Variants in PCDHA5 observed in about 807,000 individuals in gnomAD.
The protein encoded by PCDHA5 is protocadherin alpha-5.
PCDHA5 carries 43 observed loss-of-function variants against 61.6 expected under a neutral mutation model. That is an observed-to-expected ratio of 0.70 (90% CI 0.55 to 0.90). The LOEUF is 0.90. Ranked by LOEUF, PCDHA5 falls within the 40% of genes least tolerant of loss-of-function variation. PCDHA5 has a pLI of 0.00. For missense variants in PCDHA5, 1,298 were observed against 1,222.7 expected (o/e 1.06, Z -0.92); for synonymous variants, 627 against 543.9 (o/e 1.15, Z -2.13).
chr5:140,867,133 A>T (rs1554160961), intron 1 of PCDHA5: 1 of 152,166 alleles, frequency 6.6e-6, no homozygotes, highest in African/African-American at 2.4e-5. Flanking sequence ...CAAATATGTG[A>T]TATTATCATT....
intron 1 of PCDHA5, chr5:140,861,242 A>T (rs1554154320): frequency 6.0e-6 from 1 of 165,896 alleles, no homozygotes; most frequent in African/African-American, 2.4e-5. Context: ...TGCTAGACAA[A>T]GTGGCCAGGA....
chr5:140,994,515 C>A (rs1450335712), intron 3 of PCDHA5, among the ~76,000 whole-genome samples: 1 of 150,238 alleles, frequency 6.7e-6, no homozygotes, highest in African/African-American at 2.5e-5. Context: ...ACAGCCTGGG[C>A]AACATGGCAA....
At chr5:140,842,672 A>G in intron 1 of PCDHA5, 2 of 1,595,340 alleles carry the variant, frequency 1.3e-6, no homozygotes, top group Non-Finnish European at 1.7e-6. Flanking sequence ...CGTGAACGAC[A>G]ATGCTCCGGC....
At chr5:140,928,109 A>C (rs1472439079) in intron 1 of PCDHA5, 1 of 1,613,986 alleles carries the variant, frequency 6.2e-7, no homozygotes, top group African/African-American at 1.3e-5. Context: ...CTGGACCGGG[A>C]GCAGATCAGT....
intron 1 of PCDHA5, chr5:140,827,876 G>A (rs902011633): frequency 7.7e-6 from 5 of 646,162 alleles, no homozygotes; most frequent in Admixed American, 2.9e-5. Context: ...GCACTGTTAC[G>A]TGAATTGATT....
At chr5:140,857,819 G>A in intron 1 of PCDHA5, 1 of 1,597,752 alleles carries the variant, frequency 6.3e-7, no homozygotes, top group Non-Finnish European at 8.6e-7. Context: ...TCACGTGGTG[G>A]CTAAGGTGCG....
chr5:140,993,460 TCTCACACACACA>T (rs2097560533), intron 3 of PCDHA5, among the ~76,000 whole-genome samples: 2 of 104,506 alleles, frequency 1.9e-5, no homozygotes, highest in South Asian at 3.7e-4. Context: ...CTTCTTTCTT[TCTCACACACACA>T]CACACACACA....
At chr5:140,961,984 C>T (rs1037951528) in intron 1 of PCDHA5, among the ~76,000 whole-genome samples, 69 of 151,884 alleles carry the variant, frequency 4.5e-4, no homozygotes, top group African/African-American at 1.5e-3. Context: ...CCTGGGTTCA[C>T]GCCATTGTCC....
rs1219444085 is a variant in PCDHA5 at position 141,010,861 on chromosome 5, A to G, written c.*924A>G. On this transcript the variant is annotated 3_prime_UTR_variant, in exon 4 of 4. Coordinates refer to ENST00000529859, the MANE Select transcript of PCDHA5 (RefSeq NM_018908.3). ...ATTTATTTAAAAAAAGAGAAAGTCTATAGCTATAAATCTTTAAAGAGAAAT... is the reference window on the plus strand; with the variant it reads ...ATTTATTTAAAAAAAGAGAAAGTCTGTAGCTATAAATCTTTAAAGAGAAAT... 9.1e-5 allele frequency: 14 copies of G among 153,794 alleles called. No individual in the cohort carries two copies. Among genetic ancestry groups the G allele is most frequent in the African/African-American group, 3.1e-4 (13 of 41,468 alleles). 9.5% of individuals were successfully genotyped at this position (153,794 alleles called of 1,614,324 possible).
Position 140,920,894 on chromosome 5 carries a change from T to G in PCDHA5, c.2353-58055T>G, listed in dbSNP as rs114918834. Among the ~76,000 whole-genome samples the G allele has an allele frequency of 2.6e-3, 390 of 151,496 alleles. 2 individuals carry two copies. The highest frequency in any genetic ancestry group is 9.2e-3 in the African/African-American group (379 of 41,284). Reference sequence around the variant, plus strand: ...GTGGCCCTTAGAACTTAAAGTCATATTTTGGTTCTCAAATCAGTTCCAAGA... The same window carrying G: ...GTGGCCCTTAGAACTTAAAGTCATAGTTTGGTTCTCAAATCAGTTCCAAGA... On this transcript the variant is annotated intron_variant, in intron 1 of 3. Coordinates refer to ENST00000529859, the MANE Select transcript of PCDHA5 (RefSeq NM_018908.3).
At chr5:140,835,075 C>T (rs2150230392) in intron 1 of PCDHA5, 4 of 1,211,226 alleles carry the variant, frequency 3.3e-6, no homozygotes, top group Non-Finnish European at 4.5e-6. Flanking sequence ...TTACTCATCA[C>T]GGTACTGGAC....
At chr5:140,898,099 A>C (rs1469393554) in intron 1 of PCDHA5, among the ~76,000 whole-genome samples, 2 of 152,168 alleles carry the variant, frequency 1.3e-5, no homozygotes, top group African/African-American at 4.8e-5. Flanking sequence ...GCCCTTTGTC[A>C]GATGAGTAGG....
chr5:140,925,371 A>ATATT (rs1554202717), intron 1 of PCDHA5, among the ~76,000 whole-genome samples: 1 of 152,136 alleles, frequency 6.6e-6, no homozygotes, highest in Non-Finnish European at 1.5e-5. Context: ...CATAGTCAAT[A>ATATT]GTCAATGAGT....
intron 1 of PCDHA5, among the ~76,000 whole-genome samples, chr5:140,845,551 C>A (rs1311867646): frequency 6.7e-6 from 1 of 149,234 alleles, no homozygotes. Context: ...TATGGTGATG[C>A]TTTTAGCTAT....
chr5:140,850,279 G>C (rs140634296), intron 1 of PCDHA5: 2 of 1,595,566 alleles, frequency 1.3e-6, no homozygotes, highest in African/African-American at 1.3e-5. Context: ...GGGAAGGTGC[G>C]CGCAGTGGAC....
chr5:140,861,503 C>G, intron 1 of PCDHA5: 1 of 478,536 alleles, frequency 2.1e-6, no homozygotes, highest in African/African-American at 2.0e-5. Flanking sequence ...TGATAGACCT[C>G]GAGGAGCTGT....
At position 140,834,924 on chromosome 5, in the gene PCDHA5, G is replaced by C; in HGVS notation, c.2352+10797G>C. ...GAGCCCCAATGAGTATTTCTTCCTG[G>C]ACGTGCCAACCAGCAACCAGCAGGT... On this transcript the variant is annotated intron_variant, in intron 1 of 3. Coordinates refer to ENST00000529859, the MANE Select transcript of PCDHA5 (RefSeq NM_018908.3). 1.9e-6 allele frequency: 3 copies of C among 1,585,868 alleles called. No homozygotes were observed. The South Asian group carries it at 3.4e-5, about 18-fold the overall frequency.
At chr5:140,929,362 G>A (rs781830495) in intron 1 of PCDHA5, 13 of 1,520,234 alleles carry the variant, frequency 8.6e-6, no homozygotes, top group Middle Eastern at 1.8e-4. Flanking sequence ...CCTTTGGCCC[G>A]GAGATGGCTG....
chr5:140,824,004 G>C lies in PCDHA5; in HGVS notation c.2229G>C (p.Ala743=). ...RGKPTLLCSS[A]VGSWSYSQQR... ...AGCCCACTCTGTTGTGCTCCAGCGC[G>C]GTGGGGAGCTGGTCGTACTCGCAGC... The change falls in exon 1 of 4, where the codon GCG becomes GCC. Residue 743 remains alanine (A), a synonymous_variant. Coordinates refer to ENST00000529859, the MANE Select transcript of PCDHA5 (RefSeq NM_018908.3). 6.2e-7 allele frequency: 1 copy of C among 1,614,112 alleles called. No individual in the cohort carries two copies. The highest frequency in any genetic ancestry group is 1.3e-5 in the African/African-American group (1 of 75,032).
Sources: gnomAD v4.1 joint callset for allele counts (sites outside exome capture counted in the v4.1 genomes callset) on GRCh38, gnomAD v4.1.1 for gene constraint, MANE v1.5 for transcripts, NCBI Gene and HGNC (gene_info 2026-07-23, HGNC 2026-07-21) for gene names.